CDH20: variants seen among roughly 807,000 people sequenced by gnomAD.
CDH20 encodes cadherin 20, also known as cadherin-20.
CDH20 carries 29 observed loss-of-function variants against 74.2 expected under a neutral mutation model. The observed-to-expected ratio is 0.39, with a 90% CI of 0.29 to 0.53. The LOEUF is 0.53. CDH20 is among the 20% of genes least tolerant of loss of function. The pLI, the probability that CDH20 is intolerant of heterozygous loss-of-function variation, is 0.69. For synonymous variants in CDH20, 469 were observed against 405.4 expected (o/e 1.16, Z -1.88); for missense variants, 988 against 1,048.3 (o/e 0.94, Z 0.79).
chr18:61,506,589 A>G (rs1911569485), intron 5 of CDH20, among the ~76,000 whole-genome samples: 1 of 152,230 alleles, frequency 6.6e-6, no homozygotes, highest in Non-Finnish European at 1.5e-5. Context: ...CAAAAAGTTG[A>G]GCCCCAGAAA....
intron 1 of CDH20, among the ~76,000 whole-genome samples, chr18:61,419,631 A>T (rs941769918): frequency 6.6e-6 from 1 of 152,088 alleles, no homozygotes; most frequent in African/African-American, 2.4e-5. Flanking sequence ...TTTTGAAGTC[A>T]TATGCAATAT....
intron 7 of CDH20, among the ~76,000 whole-genome samples, chr18:61,532,555 T>TAC (rs369755037): frequency 7.3e-5 from 3 of 41,378 alleles, no homozygotes; most frequent in African/African-American, 4.3e-4. Flanking sequence ...TATATATATA[T>TAC]ACACACACAC....
At chr18:61,536,908 T>C (rs747828241) in intron 8 of CDH20, among the ~76,000 whole-genome samples, 1 of 152,218 alleles carries the variant, frequency 6.6e-6, no homozygotes, top group Non-Finnish European at 1.5e-5. Flanking sequence ...GGAAGATTCC[T>C]GAGAAATCTA....
At chr18:61,516,358 T>G (rs1006408669) in intron 6 of CDH20, among the ~76,000 whole-genome samples, 1 of 152,216 alleles carries the variant, frequency 6.6e-6, no homozygotes, top group Admixed American at 6.5e-5. Flanking sequence ...GTCATAGCTT[T>G]TGCCCTTGAG....
At chr18:61,370,639 G>C (rs1382987612) in intron 1 of CDH20, among the ~76,000 whole-genome samples, 1 of 151,864 alleles carries the variant, frequency 6.6e-6, no homozygotes, top group African/African-American at 2.4e-5. Flanking sequence ...CTTTTGTTTT[G>C]TGGTGATAGC....
intron 1 of CDH20, among the ~76,000 whole-genome samples, chr18:61,414,555 T>C (rs60611375): frequency 0.038 from 5,712 of 152,196 alleles, 159 homozygotes; most frequent in South Asian, 0.074. Flanking sequence ...AATGAGTGAT[T>C]TGGGATTCTC....
intron 1 of CDH20, among the ~76,000 whole-genome samples, chr18:61,423,734 C>T (rs898669977): frequency 6.6e-6 from 1 of 152,164 alleles, no homozygotes; most frequent in African/African-American, 2.4e-5. Context: ...TTTTTGAACT[C>T]ATTCTATAAA....
chr18:61,517,997 C>G (rs578056916), intron 6 of CDH20, among the ~76,000 whole-genome samples: 2 of 152,122 alleles, frequency 1.3e-5, no homozygotes, highest in African/African-American at 4.8e-5. Context: ...GTAAACAAAG[C>G]CACCATGAAG....
At chr18:61,475,060 C>G (rs1229967438) in intron 1 of CDH20, among the ~76,000 whole-genome samples, 1 of 151,780 alleles carries the variant, frequency 6.6e-6, no homozygotes, top group East Asian at 1.9e-4. Flanking sequence ...AATGAGGATC[C>G]ATTAGAGACG....
At chr18:61,552,203 AT>A (rs1913461612) in intron 11 of CDH20, among the ~76,000 whole-genome samples, 1 of 151,566 alleles carries the variant, frequency 6.6e-6, no homozygotes, top group Non-Finnish European at 1.5e-5. Flanking sequence ...TCATATATGT[AT>A]CTAGTGCCTA....
At chr18:61,412,141 G>A (rs967602261) in intron 1 of CDH20, among the ~76,000 whole-genome samples, 2 of 151,582 alleles carry the variant, frequency 1.3e-5, no homozygotes, top group Non-Finnish European at 2.9e-5. Context: ...AAAACAAAGA[G>A]TTAAAAGTTT....
intron 1 of CDH20, among the ~76,000 whole-genome samples, chr18:61,430,546 T>C (rs1171345747): frequency 6.6e-6 from 1 of 152,210 alleles, no homozygotes; most frequent in African/African-American, 2.4e-5. Flanking sequence ...ACTTGGAAGC[T>C]ATGCTCCACA....
chr18:61,416,124 T>A (rs1022202963), intron 1 of CDH20, among the ~76,000 whole-genome samples: 1 of 152,202 alleles, frequency 6.6e-6, no homozygotes, highest in African/African-American at 2.4e-5. Flanking sequence ...GCCTCTATAG[T>A]AACTGCAAGA....
At chr18:61,350,371 C>T (rs548002059) in intron 1 of CDH20, among the ~76,000 whole-genome samples, 2 of 152,238 alleles carry the variant, frequency 1.3e-5, no homozygotes, top group African/African-American at 4.8e-5. Context: ...TGGGACTGCA[C>T]TCCCTTTAAT....
chr18:61,432,264 A>AC (rs1913283633), intron 1 of CDH20, among the ~76,000 whole-genome samples: 2 of 149,576 alleles, frequency 1.3e-5, no homozygotes, highest in African/African-American at 2.5e-5. Flanking sequence ...AAAAAAAAAA[A>AC]CACAAAGATT....
chr18:61,541,968 A>G (rs1913058022), intron 9 of CDH20, among the ~76,000 whole-genome samples: 1 of 152,196 alleles, frequency 6.6e-6, no homozygotes, highest in South Asian at 2.1e-4. Context: ...ACCCAGACTT[A>G]GCGATTTGTA....
intron 1 of CDH20, among the ~76,000 whole-genome samples, chr18:61,455,514 T>C (rs1389721780): frequency 6.6e-6 from 1 of 152,206 alleles, no homozygotes; most frequent in East Asian, 1.9e-4. Flanking sequence ...ATTTATTCTA[T>C]GTTTTGGGTT....
At chr18:61,470,308 A>G (rs1011118826) in intron 1 of CDH20, among the ~76,000 whole-genome samples, 1 of 152,124 alleles carries the variant, frequency 6.6e-6, no homozygotes, top group Non-Finnish European at 1.5e-5. Context: ...TATCCAATCT[A>G]TTTCTACGCC....
In CDH20 at chr18:61,385,124, T is replaced by C. The variant is rs200669350; in HGVS notation, c.-153+51297T>C. On this transcript the variant is annotated intron_variant, in intron 1 of 11. Transcript: ENST00000262717. ...AACCTGCCTTTAATTCATCATAATA[T>C]ACAAATTTTATTTGTAGTAGAAAAA... is the stretch of plus-strand genomic sequence containing the variant. Among the ~76,000 whole-genome samples, 9 of 152,284 alleles carry C rather than the reference T, an allele frequency of 5.9e-5. No individual in the cohort carries two copies. The East Asian group carries it at 1.5e-3, about 26-fold the overall frequency.
Sources: allele counts gnomAD v4.1 joint callset (sites outside exome capture counted in the v4.1 genomes callset), GRCh38; gene constraint gnomAD v4.1.1; transcripts MANE v1.5; gene names NCBI Gene and HGNC (gene_info 2026-07-23, HGNC 2026-07-21).